Variants in OR8B2 observed in about 807,000 individuals in gnomAD.
OR8B2 encodes the protein olfactory receptor family 8 subfamily B member 2, also known as olfactory receptor 8B2.
For missense variants in OR8B2, 304 were observed against 379.6 expected (o/e 0.80, Z 1.65); for synonymous variants, 98 against 138.2 (o/e 0.71, Z 2.04).
chr11:124,396,530 A>G, the OR8B2 span: 4 of 1,613,980 alleles, frequency 2.5e-6, no homozygotes, highest in Non-Finnish European at 3.4e-6. Flanking sequence ...TGTAGAAAAC[A>G]GAAGAAACTT....
chr11:124,383,053 G>A lies in OR8B2; in HGVS notation c.291C>T (p.Cys97=), dbSNP rs1860627473. The change falls in exon 2 of 2, where the codon TGC becomes TGT. Residue 97 remains cysteine (C), a synonymous_variant. Coordinates refer to ENST00000641451, the MANE Select transcript of OR8B2 (RefSeq NM_001005468.2). ...SKKNIISNVG[C]MTRLFFFLFF... ...AGAGAAAGAAAAACAGCCGAGTCAT[G>A]CACCCAACATTGGAGATAATATTCT... 1 of 1,613,812 alleles carries A rather than the reference G, an allele frequency of 6.2e-7. No individual in the cohort carries two copies. Among genetic ancestry groups the A allele is most frequent in the African/African-American group, 1.3e-5 (1 of 74,926 alleles).
chr11:124,389,847 C>T, the OR8B2 span, among the ~76,000 whole-genome samples: 1 of 152,130 alleles, frequency 6.6e-6, no homozygotes, highest in East Asian at 1.9e-4. Context: ...CAGTAGTATG[C>T]TATGCATTTC....
chr11:124,384,119 C>G (rs1316758507), intron 1 of OR8B2, among the ~76,000 whole-genome samples: 1 of 152,068 alleles, frequency 6.6e-6, no homozygotes, highest in African/African-American at 2.4e-5. Context: ...ATATGTATAG[C>G]ACATGTCAAT....
At chr11:124,385,046 G>C (rs1860677223), upstream of OR8B2, among the ~76,000 whole-genome samples, 1 of 152,010 alleles carries the variant, frequency 6.6e-6, no homozygotes, top group Non-Finnish European at 1.5e-5. Context: ...AAAAGAAAAA[G>C]AATAAAGAAA....
At chr11:124,394,165 A>G in the OR8B2 span, among the ~76,000 whole-genome samples, 1 of 151,230 alleles carries the variant, frequency 6.6e-6, no homozygotes, top group African/African-American at 2.4e-5. Context: ...TGAGGAGTTA[A>G]TGGGTGCAGC....
At chr11:124,395,136 A>C in the OR8B2 span, among the ~76,000 whole-genome samples, 1 of 151,626 alleles carries the variant, frequency 6.6e-6, no homozygotes, top group South Asian at 2.1e-4. Flanking sequence ...CCAAAACCAT[A>C]CAAAAAAAAA....
chr11:124,394,264 TAAATA>T, the OR8B2 span, among the ~76,000 whole-genome samples: 4 of 139,084 alleles, frequency 2.9e-5, no homozygotes, highest in East Asian at 8.4e-4. Context: ...ATAATAAAAA[TAAATA>T]AATAAATAAA....
At chr11:124,394,370 A>AT in the OR8B2 span, among the ~76,000 whole-genome samples, 68 of 152,118 alleles carry the variant, frequency 4.5e-4, no homozygotes, top group Non-Finnish European at 8.1e-4. Context: ...CTTGCAACAC[A>AT]TTTTTTGTTA....
chr11:124,387,407 C>A (rs1447901361), upstream of OR8B2, among the ~76,000 whole-genome samples: 1 of 152,040 alleles, frequency 6.6e-6, no homozygotes, highest in African/African-American at 2.4e-5. Flanking sequence ...ACATTTAAGT[C>A]TTTAATCCAT....
the OR8B2 span, chr11:124,396,647 T>G: frequency 6.2e-7 from 1 of 1,611,732 alleles, no homozygotes; most frequent in South Asian, 1.1e-5. Context: ...TGAAGGCTTT[T>G]GATCTTCCTT....
Position 124,382,648 on chromosome 11 carries a change from T to G in OR8B2, c.696A>C (p.Gln232His). ...AAGTACTGAAGGCTTTTGATCTTCC[T>G]TGAGTGGATTTGATATGAAGAATGC... ...VTSILHIKST[Q>H]GRSKAFSTCS... is the part of the protein sequence containing the mutation. The change falls in exon 2 of 2, where the codon CAA becomes CAC. Residue 232 changes from glutamine to histidine, a missense_variant. Transcript: ENST00000641451. The G allele has an allele frequency of 6.2e-7, 1 of 1,611,880 alleles. No individual in the cohort carries two copies. Among genetic ancestry groups the G allele is most frequent in the Non-Finnish European group, 8.5e-7 (1 of 1,178,968 alleles).
chr11:124,393,273 T>G, the OR8B2 span, among the ~76,000 whole-genome samples: 6 of 141,954 alleles, frequency 4.2e-5, no homozygotes, highest in Admixed American at 4.1e-4. Flanking sequence ...TGGGATCTAA[T>G]TAAATGAAAG....
upstream of OR8B2, among the ~76,000 whole-genome samples, chr11:124,389,265 T>A (rs996816014): frequency 6.6e-6 from 1 of 152,192 alleles, no homozygotes; most frequent in African/African-American, 2.4e-5. Flanking sequence ...TGGAGCAAGT[T>A]TTATACTTGG....
upstream of OR8B2, among the ~76,000 whole-genome samples, chr11:124,387,128 G>GT (rs1396008916): frequency 1.3e-5 from 2 of 152,002 alleles, no homozygotes; most frequent in Non-Finnish European, 2.9e-5. Context: ...TTGTAAATTT[G>GT]TTTGAGTTCA....
the OR8B2 span, among the ~76,000 whole-genome samples, chr11:124,391,571 G>A: frequency 6.6e-6 from 1 of 152,134 alleles, no homozygotes; most frequent in Non-Finnish European, 1.5e-5. Flanking sequence ...CCAGGAAGAA[G>A]TTGAATCTCT....
At chr11:124,387,746 T>C (rs1456102459), upstream of OR8B2, among the ~76,000 whole-genome samples, 12 of 146,302 alleles carry the variant, frequency 8.2e-5, no homozygotes, top group African/African-American at 3.1e-4. Flanking sequence ...ATGCGGGCTC[T>C]TTTTTGGTTC....
the OR8B2 span, chr11:124,395,755 G>A: frequency 6.6e-6 from 1 of 152,312 alleles, no homozygotes. Flanking sequence ...TGTAAATGCT[G>A]CCTTTGGCAA....
At chr11:124,396,507 G>A in the OR8B2 span, 1 of 1,614,006 alleles carries the variant, frequency 6.2e-7, no homozygotes, top group Non-Finnish European at 8.5e-7. Context: ...ATTGAGCATG[G>A]GCACCACATT....
chr11:124,389,392 A>G (rs1860749187), upstream of OR8B2, among the ~76,000 whole-genome samples: 1 of 152,192 alleles, frequency 6.6e-6, no homozygotes, highest in African/African-American at 2.4e-5. Flanking sequence ...CTTTCCATTT[A>G]AGTGATAGGA....
Sources: gnomAD v4.1 joint callset for allele counts (sites outside exome capture counted in the v4.1 genomes callset) on GRCh38, gnomAD v4.1.1 for gene constraint, MANE v1.5 for transcripts, NCBI Gene and HGNC (gene_info 2026-07-23, HGNC 2026-07-21) for gene names.